TENM4: variants seen among roughly 807,000 people sequenced by gnomAD.
TENM4 encodes the protein teneurin transmembrane protein 4.
TENM4 carries 82 observed loss-of-function variants against 243.3 expected under a neutral mutation model. The observed-to-expected ratio is 0.34, with a 90% CI of 0.28 to 0.40. The LOEUF (loss-of-function observed/expected upper bound fraction) is 0.40. TENM4 is among the 10% of genes least tolerant of loss of function. TENM4 has a pLI of 1.00. For missense variants in TENM4, 3,138 were observed against 3,673.3 expected, an observed-to-expected ratio of 0.85 and a Z score of 3.77; for synonymous variants, 1,412 against 1,456.3, an observed-to-expected ratio of 0.97 and a Z score of 0.69.
At position 78,899,565 on chromosome 11, in the gene TENM4, G is replaced by GA. The variant is rs201527088; in HGVS notation, c.749+3702_749+3703insT. ...TGCACTCTGTCTCAAAAAGCGGGGGGGGGGGGAAAAAGAAAAAAGAAAGAA... is the reference window on the plus strand; with the variant it reads ...TGCACTCTGTCTCAAAAAGCGGGGGGAGGGGGGAAAAAGAAAAAAGAAAGAA... On this transcript the variant is annotated intron_variant, in intron 7 of 33. Transcript: ENST00000278550. Among the ~76,000 whole-genome samples the GA allele has an allele frequency of 8.2e-4, 110 of 134,166 alleles. 4 individuals carry two copies. The highest frequency in any genetic ancestry group is 2.8e-3 in the African/African-American group (103 of 36,654). The allele number at this position is 134,166 out of a possible 152,430, so 88.0% of individuals were successfully genotyped here. A position where few individuals can be genotyped will look rare whatever the true frequency, so the allele number is the denominator to read the frequency against.
In TENM4 at chr11:78,658,027, G is replaced by C; in HGVS notation, c.*31C>G. Reference sequence around the variant, plus strand: ...GGTATGCGGCCACAAAAGAGTAGCTGTCTTTGGCAAGAAGTCCTTGGTCCT... The same window carrying C: ...GGTATGCGGCCACAAAAGAGTAGCTCTCTTTGGCAAGAAGTCCTTGGTCCT... On this transcript the variant is annotated 3_prime_UTR_variant, in exon 34 of 34. Coordinates refer to ENST00000278550, the MANE Select transcript of TENM4 (RefSeq NM_001098816.3). The C allele has an allele frequency of 6.2e-7, 1 of 1,610,066 alleles. No individual in the cohort carries two copies. The highest frequency in any genetic ancestry group is 1.1e-5 in the South Asian group (1 of 90,890).
intron 12 of TENM4, among the ~76,000 whole-genome samples, chr11:78,829,247 G>T (rs1431359178): frequency 6.6e-6 from 1 of 152,144 alleles, no homozygotes; most frequent in African/African-American, 2.4e-5. Context: ...GGTGGATCTT[G>T]TCTCTGGCAT....
At chr11:78,692,788 A>G (rs1312425531) in intron 28 of TENM4, among the ~76,000 whole-genome samples, 1 of 152,064 alleles carries the variant, frequency 6.6e-6, no homozygotes, top group Non-Finnish European at 1.5e-5. Context: ...TGGGGTGCTC[A>G]TGCTTCCCGT....
chr11:78,797,494 C>T (rs1857184111), intron 15 of TENM4, among the ~76,000 whole-genome samples: 1 of 152,210 alleles, frequency 6.6e-6, no homozygotes, highest in South Asian at 2.1e-4. Flanking sequence ...CTGAAGAGAT[C>T]CAATTCTGAT....
chr11:79,210,009 A>G (rs1863927321), intron 3 of TENM4, among the ~76,000 whole-genome samples: 1 of 152,248 alleles, frequency 6.6e-6, no homozygotes, highest in Admixed American at 6.5e-5. Context: ...CCATAGTAAG[A>G]GTTCAGTAAA....
chr11:78,889,492 G>A (rs1002014256), intron 9 of TENM4, among the ~76,000 whole-genome samples: 3 of 152,220 alleles, frequency 2.0e-5, no homozygotes, highest in African/African-American at 7.2e-5. Context: ...TCAAAGGCTA[G>A]TCTTACTGAG....
intron 2 of TENM4, among the ~76,000 whole-genome samples, chr11:79,297,000 A>C (rs1284440995): frequency 6.6e-6 from 1 of 152,188 alleles, no homozygotes; most frequent in Non-Finnish European, 1.5e-5. Flanking sequence ...GTGTGAAAGA[A>C]AGAAAGCAGA....
intron 6 of TENM4, among the ~76,000 whole-genome samples, chr11:78,918,650 G>A (rs948662047): frequency 2.0e-5 from 3 of 152,120 alleles, no homozygotes; most frequent in Admixed American, 1.3e-4. Context: ...GCAGAGGTGC[G>A]CTGACACCAC....
chr11:78,836,385 C>T (rs2136161151), intron 12 of TENM4, among the ~76,000 whole-genome samples: 1 of 152,238 alleles, frequency 6.6e-6, no homozygotes, highest in Middle Eastern at 3.4e-3. Context: ...AAAAACCTTT[C>T]AGAAAAGAGC....
chr11:79,042,323 G>C (rs1476095191), intron 6 of TENM4, among the ~76,000 whole-genome samples: 2 of 152,146 alleles, frequency 1.3e-5, no homozygotes, highest in Non-Finnish European at 2.9e-5. Flanking sequence ...CCCTGCTATG[G>C]TCTGAATTTC....
In TENM4 at chr11:79,405,209, T is replaced by A. The variant is rs543168194; in HGVS notation, c.-321+35300A>T. On this transcript the variant is annotated intron_variant, in intron 1 of 33. Coordinates refer to ENST00000278550, the MANE Select transcript of TENM4 (RefSeq NM_001098816.3). ...ATTATTAACATTATTATTATGCAGG[T>A]ACTATTTCTTCCGAGGCTTATGAGC... Among the ~76,000 whole-genome samples the A allele has an allele frequency of 7.4e-4, 113 of 152,258 alleles. 3 individuals carry two copies. The South Asian group carries it at 0.023, about 31-fold the overall frequency.
chr11:78,818,289 T>C (rs55772341), intron 12 of TENM4, among the ~76,000 whole-genome samples: 4,210 of 152,340 alleles, frequency 0.028, 174 homozygotes, highest in African/African-American at 0.096. Flanking sequence ...CTTTGTTAGA[T>C]TCTGATTTCC....
rs1385468109 is a variant in TENM4 at position 78,672,263 on chromosome 11, C to T, written c.5563G>A (p.Asp1855Asn). 1.2e-6 allele frequency: 2 copies of T among 1,614,026 alleles called. No homozygotes were observed. Among genetic ancestry groups the T allele is most frequent in the South Asian group, 1.1e-5 (1 of 91,066 alleles). The part of the protein sequence containing the change: ...RVTRTEKIYD[D>N]HRKFTLRILY... ...ATCCGAAGGGTGAACTTGCGGTGGT[C>T]ATCATAGATCTTCTCTGTGCGTGTT... is the stretch of plus-strand genomic sequence containing the variant. Residue 1855 changes from aspartate to asparagine, a missense_variant, in exon 31 of 34, where the codon GAC becomes AAC. Physicochemically the swap from Asp to Asn is conservative, Grantham distance 23. Transcript: ENST00000278550.
intron 1 of TENM4, among the ~76,000 whole-genome samples, chr11:79,383,151 G>A (rs940236853): frequency 6.6e-6 from 1 of 152,170 alleles, no homozygotes; most frequent in African/African-American, 2.4e-5. Context: ...CCCCTCACTG[G>A]CTTTGGCCAA....
Position 79,297,508 on chromosome 11 carries a change from A to G in TENM4, c.-285T>C, listed in dbSNP as rs1416416443. 1 of 152,660 alleles carries G rather than the reference A, an allele frequency of 6.6e-6. No individual in the cohort carries two copies. The highest frequency in any genetic ancestry group is 1.9e-4 in the East Asian group (1 of 5,196). The allele number at this position is 152,660 out of a possible 1,614,324, so 9.5% of individuals were successfully genotyped here. On this transcript the variant is annotated 5_prime_UTR_variant, in exon 2 of 34. Transcript: ENST00000278550. ...CTTACCTACCGACCAAGTGTCTGAG[A>G]GATCACTAGCCCTCTCTGATTCTCA...
chr11:78,992,832 T>C (rs1858079747), intron 6 of TENM4, among the ~76,000 whole-genome samples: 1 of 152,216 alleles, frequency 6.6e-6, no homozygotes, highest in African/African-American at 2.4e-5. Flanking sequence ...TTTCTCATTA[T>C]AAGACTTTAA....
At chr11:79,149,877 T>C (rs540001355) in intron 3 of TENM4, among the ~76,000 whole-genome samples, 1 of 152,318 alleles carries the variant, frequency 6.6e-6, no homozygotes, top group Non-Finnish European at 1.5e-5. Flanking sequence ...CAAGGAAAGA[T>C]CAAGGTATGC....
intron 1 of TENM4, among the ~76,000 whole-genome samples, chr11:79,387,880 T>C (rs1565325816): frequency 6.6e-6 from 1 of 152,168 alleles, no homozygotes. Flanking sequence ...TGGCATGTGC[T>C]TGTGGTCCCA....
rs1482730141 is a variant in TENM4 at position 78,712,505 on chromosome 11, T to C, written c.4031A>G (p.Glu1344Gly). The C allele has an allele frequency of 6.2e-7, 1 of 1,613,968 alleles. No individual in the cohort carries two copies. The highest frequency in any genetic ancestry group is 8.5e-7 in the Non-Finnish European group (1 of 1,179,862). Residue 1344 changes from glutamate (E) to glycine (G), a missense_variant, in exon 26 of 34, where the codon GAA becomes GGA. This residue lies in a region of TENM4 where 2,467 missense variants were observed against 3,059.1 expected (regional missense o/e 0.81). Transcript: ENST00000278550. ...TRCGDGGKAT[E>G]ATLTNPRGIT... is the part of the protein sequence containing the mutation. ...ACCCCTGGGATTGGTGAGTGTGGCT[T>C]CTGTGGCCTTCCCACCATCCCCGCA...
Sources: allele counts gnomAD v4.1 joint callset (sites outside exome capture counted in the v4.1 genomes callset), GRCh38; gene constraint gnomAD v4.1.1; regional missense constraint gnomAD v4.1.1; transcripts MANE v1.5; gene names NCBI Gene and HGNC (gene_info 2026-07-23, HGNC 2026-07-21).